The following UBASH3B variants were observed in gnomAD, a reference collection of about 807,000 sequenced individuals.
The protein encoded by UBASH3B is ubiquitin associated and SH3 domain containing B, also known as ubiquitin-associated and SH3 domain-containing protein B.
A neutral mutation model predicts 83.4 loss-of-function variants in UBASH3B; 37 were observed. That is an observed-to-expected ratio of 0.44 (90% CI 0.34 to 0.58). The LOEUF (loss-of-function observed/expected upper bound fraction) is 0.58, where lower values mean the gene tolerates loss of function less well. Ranked by LOEUF, UBASH3B falls within the 20% of genes least tolerant of loss-of-function variation. UBASH3B has a pLI of 0.01. For missense variants in UBASH3B, 657 were observed against 827.2 expected (o/e 0.79, Z 2.52); for synonymous variants, 304 against 318.3 (o/e 0.96, Z 0.48).
intron 1 of UBASH3B, among the ~76,000 whole-genome samples, chr11:122,707,373 G>A (rs915886500): frequency 1.3e-5 from 2 of 151,930 alleles, no homozygotes; most frequent in East Asian, 1.9e-4. Context: ...CCTTCTCTGC[G>A]TGGTGCCTCT....
At chr11:122,749,009 C>CCACG (rs1861162620) in intron 1 of UBASH3B, among the ~76,000 whole-genome samples, 2 of 152,358 alleles carry the variant, frequency 1.3e-5, no homozygotes, top group Admixed American at 1.3e-4. Flanking sequence ...CCAAGACAGT[C>CCACG]CACGACAGCT....
chr11:122,707,228 A>G (rs896822203), intron 1 of UBASH3B, among the ~76,000 whole-genome samples: 44 of 152,274 alleles, frequency 2.9e-4, no homozygotes, highest in Non-Finnish European at 1.5e-4. Flanking sequence ...TAGCTGACCT[A>G]CTTACTTTCT....
intron 1 of UBASH3B, among the ~76,000 whole-genome samples, chr11:122,756,632 G>C (rs1452403263): frequency 1.3e-5 from 2 of 152,182 alleles, no homozygotes; most frequent in Non-Finnish European, 2.9e-5. Context: ...CAGCCACTGT[G>C]GAGGAAGTCA....
chr11:122,788,955 C>T lies in UBASH3B; in HGVS notation c.772-145C>T, dbSNP rs183340031. On this transcript the variant is annotated intron_variant, in intron 5 of 13. Transcript: ENST00000284273. ...GCTCTCTGATAGGAATTCACATCTA[C>T]TCAGGGCCTGCAGACCCCAAGGGCT... 15 of 691,578 alleles carry T rather than the reference C, an allele frequency of 2.2e-5. No individual in the cohort carries two copies. The African/African-American group carries it at 2.7e-4, about 12-fold the overall frequency. 42.8% of individuals were successfully genotyped at this position (691,578 alleles called of 1,614,324 possible).
intron 1 of UBASH3B, among the ~76,000 whole-genome samples, chr11:122,765,636 T>A (rs184335862): frequency 3.9e-5 from 6 of 152,324 alleles, no homozygotes; most frequent in Non-Finnish European, 5.9e-5. Context: ...AGACTAGAAG[T>A]GGTTGATAAT....
At chr11:122,699,329 G>A (rs982359886) in intron 1 of UBASH3B, among the ~76,000 whole-genome samples, 4 of 152,126 alleles carry the variant, frequency 2.6e-5, no homozygotes, top group Admixed American at 6.5e-5. Flanking sequence ...GAGGAGTGTG[G>A]CACGTGGAGT....
intron 1 of UBASH3B, among the ~76,000 whole-genome samples, chr11:122,687,124 C>T (rs1389932403): frequency 6.6e-6 from 1 of 152,184 alleles, no homozygotes; most frequent in Non-Finnish European, 1.5e-5. Context: ...TCGCCTTGGC[C>T]TCCCAAAGTG....
At chr11:122,787,708 C>T (rs769511933) in intron 5 of UBASH3B, among the ~76,000 whole-genome samples, 6 of 152,254 alleles carry the variant, frequency 3.9e-5, no homozygotes, top group East Asian at 1.9e-4. Context: ...TATGCCCCTT[C>T]GGTGCACAAG....
rs767570158 is a variant in UBASH3B at position 122,656,117 on chromosome 11, C to T, written c.68C>T (p.Thr23Ile). The part of the protein sequence containing the change: ...AAREELYSKV[T>I]PRRNRQQRPG... ...AGAGAGGAGCTGTACAGCAAAGTCA[C>T]CCCCCGGAGGAACCGCCAACAGCGC... The change falls in exon 1 of 14, where the codon ACC becomes ATC. Residue 23 changes from threonine (T) to isoleucine (I), a missense_variant. Coordinates refer to ENST00000284273, the MANE Select transcript of UBASH3B (RefSeq NM_032873.5). The T allele has an allele frequency of 5.0e-6, 8 of 1,599,454 alleles. 1 individual carries two copies. Among genetic ancestry groups the T allele is most frequent in the Admixed American group, 3.4e-5 (2 of 58,828 alleles).
At chr11:122,683,592 G>A (rs1454511717) in intron 1 of UBASH3B, among the ~76,000 whole-genome samples, 1 of 104,728 alleles carries the variant, frequency 9.5e-6, no homozygotes, top group Non-Finnish European at 2.1e-5. Context: ...GGGACAGAGC[G>A]AGACTCCTTC....
chr11:122,803,968 G>A (rs1861297494), intron 11 of UBASH3B, among the ~76,000 whole-genome samples: 1 of 152,018 alleles, frequency 6.6e-6, no homozygotes, highest in Non-Finnish European at 1.5e-5. Flanking sequence ...AGCCCATCAG[G>A]ACTCCAGACA....
intron 3 of UBASH3B, among the ~76,000 whole-genome samples, chr11:122,778,122 A>G (rs1461012857): frequency 7.1e-6 from 1 of 141,160 alleles, no homozygotes; most frequent in Non-Finnish European, 1.6e-5. Context: ...GAGTTGATTT[A>G]TCTCCATATA....
intron 1 of UBASH3B, among the ~76,000 whole-genome samples, chr11:122,739,603 A>G (rs1180115817): frequency 1.3e-5 from 2 of 152,178 alleles, no homozygotes; most frequent in Non-Finnish European, 2.9e-5. Flanking sequence ...TCTGATTTTC[A>G]GGAGACATAA....
intron 1 of UBASH3B, among the ~76,000 whole-genome samples, chr11:122,687,614 GTATT>G (rs1416731564): frequency 3.9e-5 from 6 of 152,272 alleles, no homozygotes; most frequent in Middle Eastern, 3.4e-3. Context: ...TTTGTATGCT[GTATT>G]TATTTCTTTC....
intron 1 of UBASH3B, among the ~76,000 whole-genome samples, chr11:122,691,363 ATCT>A (rs1329616353): frequency 6.6e-6 from 1 of 152,168 alleles, no homozygotes; most frequent in Non-Finnish European, 1.5e-5. Context: ...TTCTGGACAA[ATCT>A]TCTGCAGCCA....
intron 6 of UBASH3B, 55 bp downstream of exon 6, chr11:122,789,363 G>A: frequency 1.9e-6 from 3 of 1,576,310 alleles, no homozygotes. Context: ...AAGGCAGACT[G>A]GATCCTGGAT....
chr11:122,674,441 C>A (rs1048185827), intron 1 of UBASH3B, among the ~76,000 whole-genome samples: 1 of 147,430 alleles, frequency 6.8e-6, no homozygotes, highest in Admixed American at 6.9e-5. Flanking sequence ...AGTGCAGCGG[C>A]GCGATCTCAG....
chr11:122,779,408 G>T, intron 3 of UBASH3B, 89 bp from the exon 4 acceptor site: 1 of 1,446,082 alleles, frequency 6.9e-7, no homozygotes, highest in Non-Finnish European at 9.7e-7. Flanking sequence ...GCCTCCTCCA[G>T]TCTCTGGGGA....
intron 1 of UBASH3B, 132 bp from the exon 2 acceptor site, chr11:122,776,087 G>C (rs1860727866): frequency 1.4e-6 from 1 of 703,004 alleles, no homozygotes; most frequent in Non-Finnish European, 2.3e-6. Flanking sequence ...CCTGCTGCAG[G>C]TGTCTACTCC....
Sources: allele counts gnomAD v4.1 joint callset (sites outside exome capture counted in the v4.1 genomes callset), GRCh38; gene constraint gnomAD v4.1.1; transcripts MANE v1.5; gene names NCBI Gene and HGNC (gene_info 2026-07-23, HGNC 2026-07-21).